The following ZNF366 variants were observed in gnomAD, a reference collection of about 807,000 sequenced individuals.
ZNF366 encodes the protein zinc finger protein 366, also known as dendritic cell-specific transcript protein.
ZNF366 carries 20 observed loss-of-function variants against 47.2 expected under a neutral mutation model. The ratio of observed to expected loss-of-function variants is 0.42; its 90% CI spans 0.30 to 0.62. The LOEUF (loss-of-function observed/expected upper bound fraction) is 0.62, where lower values mean the gene tolerates loss of function less well. Among genes scored for constraint, ZNF366 ranks in the 20% least tolerant of loss-of-function variants. ZNF366 has a pLI of 0.16. For missense variants in ZNF366, 987 were observed against 976.3 expected, an observed-to-expected ratio of 1.01 and a Z score of -0.15; for synonymous variants, 421 against 395.1, an observed-to-expected ratio of 1.07 and a Z score of -0.78.
chr5:72,482,055 C>T (rs1248412263), intron 1 of ZNF366, among the ~76,000 whole-genome samples: 1 of 152,142 alleles, frequency 6.6e-6, no homozygotes, highest in African/African-American at 2.4e-5. Context: ...CTATCCTGGT[C>T]CGTGTAAAGC....
At chr5:72,488,004 G>T (rs867962413) in intron 1 of ZNF366, among the ~76,000 whole-genome samples, 4 of 151,940 alleles carry the variant, frequency 2.6e-5, no homozygotes, top group Admixed American at 2.0e-4. Context: ...TCAGGAGTTC[G>T]AGACCAGCCT....
At chr5:72,502,531 A>C (rs1291630570) in intron 1 of ZNF366, among the ~76,000 whole-genome samples, 1 of 152,198 alleles carries the variant, frequency 6.6e-6, no homozygotes, top group Non-Finnish European at 1.5e-5. Context: ...TTTTTCTATA[A>C]GGTTTATATT....
chr5:72,498,863 C>T (rs75481430), intron 1 of ZNF366, among the ~76,000 whole-genome samples: 1,531 of 152,316 alleles, frequency 0.01, 17 homozygotes, highest in African/African-American at 0.035. Flanking sequence ...GCTTGAAGAG[C>T]AAATACATTT....
intron 1 of ZNF366, among the ~76,000 whole-genome samples, chr5:72,503,637 C>T (rs1399672048): frequency 6.6e-6 from 1 of 152,124 alleles, no homozygotes; most frequent in Non-Finnish European, 1.5e-5. Flanking sequence ...GTAAAGCAAC[C>T]TGTCAAGTCA....
intron 1 of ZNF366, among the ~76,000 whole-genome samples, chr5:72,497,236 C>T (rs548920315): frequency 6.6e-6 from 1 of 152,260 alleles, no homozygotes; most frequent in African/African-American, 2.4e-5. Context: ...CAAAGATTTT[C>T]TCCTGTGTTT....
At chr5:72,469,744 T>C (rs1743520502) in intron 1 of ZNF366, among the ~76,000 whole-genome samples, 1 of 152,192 alleles carries the variant, frequency 6.6e-6, no homozygotes, top group African/African-American at 2.4e-5. Context: ...TAACATTCCT[T>C]GAAATGCAAA....
At chr5:72,506,688 C>G (rs1744323885) in intron 1 of ZNF366, among the ~76,000 whole-genome samples, 1 of 152,096 alleles carries the variant, frequency 6.6e-6, no homozygotes, top group South Asian at 2.1e-4. Context: ...ACATAAGCTC[C>G]CCACATGCAG....
chr5:72,465,749 A>G (rs906757773), intron 1 of ZNF366, among the ~76,000 whole-genome samples: 1 of 152,212 alleles, frequency 6.6e-6, no homozygotes, highest in African/African-American at 2.4e-5. Context: ...ACGTGCAAAA[A>G]GAAAGAAGAA....
intron 4 of ZNF366, among the ~76,000 whole-genome samples, chr5:72,446,323 G>A (rs1742957432): frequency 6.6e-6 from 1 of 152,198 alleles, no homozygotes; most frequent in African/African-American, 2.4e-5. Flanking sequence ...GATCATACTA[G>A]TGACCGAAAA....
At chr5:72,488,900 A>G (rs925875725) in intron 1 of ZNF366, among the ~76,000 whole-genome samples, 1 of 152,216 alleles carries the variant, frequency 6.6e-6, no homozygotes, top group African/African-American at 2.4e-5. Flanking sequence ...TCAGCTATAA[A>G]ACAGAGACAA....
chr5:72,447,024 C>T (rs1348691305), intron 4 of ZNF366, among the ~76,000 whole-genome samples: 1 of 152,222 alleles, frequency 6.6e-6, no homozygotes, highest in Non-Finnish European at 1.5e-5. Flanking sequence ...ATGGTACCGA[C>T]TGGCATCATG....
chr5:72,464,010 G>T (rs1347755941), intron 1 of ZNF366, among the ~76,000 whole-genome samples: 2 of 152,202 alleles, frequency 1.3e-5, no homozygotes. Flanking sequence ...AGGCTGCTCA[G>T]ATTGGAAAAG....
chr5:72,482,940 C>T (rs577942116), intron 1 of ZNF366, among the ~76,000 whole-genome samples: 1 of 152,264 alleles, frequency 6.6e-6, no homozygotes, highest in Non-Finnish European at 1.5e-5. Flanking sequence ...AACATTTGCA[C>T]CGTATGTTAG....
Position 72,474,552 on chromosome 5 carries a change from G to T in ZNF366, c.-14-13042C>A, listed in dbSNP as rs553152884. 5.3e-5 allele frequency among the ~76,000 whole-genome samples: 8 copies of T among 152,144 alleles called. No homozygotes were observed. The South Asian group carries it at 1.7e-3, about 32-fold the overall frequency. The stretch of plus-strand genomic sequence containing the variant: ...GGAAAGTCCAAATTCAGAAAGGAAG[G>T]TTACTGTAATTTTTCAGTTTTCTAT... On this transcript the variant is annotated intron_variant, in intron 1 of 4. Transcript: ENST00000318442.
At chr5:72,467,092 T>A (rs539487430) in intron 1 of ZNF366, among the ~76,000 whole-genome samples, 2 of 152,332 alleles carry the variant, frequency 1.3e-5, no homozygotes, top group South Asian at 4.1e-4. Flanking sequence ...TTTGGGAAAT[T>A]AGTTGCAACC....
intron 3 of ZNF366, among the ~76,000 whole-genome samples, chr5:72,455,304 G>A (rs1030558363): frequency 3.3e-5 from 5 of 152,180 alleles, no homozygotes; most frequent in South Asian, 4.2e-4. Context: ...CTTCAAGTGG[G>A]GCCACACTGC....
intron 1 of ZNF366, among the ~76,000 whole-genome samples, chr5:72,471,075 G>A (rs1239325695): frequency 6.6e-6 from 1 of 152,194 alleles, no homozygotes; most frequent in Admixed American, 6.5e-5. Context: ...AATACAGTGT[G>A]TCCTGGGGGA....
chr5:72,464,433 T>G (rs1743390941), intron 1 of ZNF366, among the ~76,000 whole-genome samples: 1 of 152,202 alleles, frequency 6.6e-6, no homozygotes, highest in African/African-American at 2.4e-5. Context: ...TGTTTCCTTT[T>G]AATACATTAG....
At chr5:72,444,388 G>A (rs1428578961) in intron 4 of ZNF366, 97 bp from the exon 5 acceptor site, 8 of 1,313,060 alleles carry the variant, frequency 6.1e-6, no homozygotes, top group African/African-American at 4.4e-5. Context: ...AATGTATTCC[G>A]ATGCGTATTT....
Sources: gnomAD v4.1 joint callset for allele counts (sites outside exome capture counted in the v4.1 genomes callset) on GRCh38, gnomAD v4.1.1 for gene constraint, MANE v1.5 for transcripts, NCBI Gene and HGNC (gene_info 2026-07-23, HGNC 2026-07-21) for gene names.